The following OLFML2B variants were observed in gnomAD, a reference collection of about 807,000 sequenced individuals.
The protein encoded by OLFML2B is olfactomedin like 2B, also known as olfactomedin-like protein 2B.
In OLFML2B, 57 loss-of-function variants were observed where a neutral mutation model predicts 74.9. That is an observed-to-expected ratio of 0.76 (90% CI 0.61 to 0.95). The LOEUF (loss-of-function observed/expected upper bound fraction) is 0.95. OLFML2B is among the 40% of genes least tolerant of loss of function. OLFML2B has a pLI of 0.00. For synonymous variants in OLFML2B, 388 were observed against 405.8 expected, an observed-to-expected ratio of 0.96 and a Z score of 0.53; for missense variants, 986 against 970.6, an observed-to-expected ratio of 1.02 and a Z score of -0.21.
intron 3 of OLFML2B, among the ~76,000 whole-genome samples, chr1:162,007,851 T>C (rs997516306): frequency 6.6e-6 from 1 of 152,206 alleles, no homozygotes; most frequent in African/African-American, 2.4e-5. Context: ...GCCATTCTTA[T>C]GGCATTTCAT....
chr1:162,023,175 T>C (rs962372199), intron 1 of OLFML2B, 82 bp downstream of exon 1: 13 of 1,332,872 alleles, frequency 9.8e-6, no homozygotes, highest in Non-Finnish European at 9.9e-7. Flanking sequence ...ACAGCTGCCC[T>C]CAAACACTTC....
chr1:162,021,095 G>A (rs1380365956), intron 1 of OLFML2B, among the ~76,000 whole-genome samples: 1 of 152,344 alleles, frequency 6.6e-6, no homozygotes, highest in East Asian at 1.9e-4. Flanking sequence ...TGGGAGCTAA[G>A]AGCGGCTCCA....
Position 162,023,753 on chromosome 1 carries a change from G to T in OLFML2B, c.-323C>A, listed in dbSNP as rs958349264. 17 of 189,712 alleles carry T rather than the reference G, an allele frequency of 9.0e-5. No individual in the cohort carries two copies. The highest frequency in any genetic ancestry group is 1.8e-4 in the Non-Finnish European group (17 of 92,908). The allele number at this position is 189,712 out of a possible 1,614,324, so 11.8% of individuals were successfully genotyped here. A position where few individuals can be genotyped will look rare whatever the true frequency, so the allele number is the denominator to read the frequency against. On this transcript the variant is annotated 5_prime_UTR_variant, in exon 1 of 8. Coordinates refer to ENST00000294794, the MANE Select transcript of OLFML2B (RefSeq NM_015441.3). Reference sequence around the variant, plus strand: ...AGGAGGGCTCAGGTGGCTGGAAGGCGTTCGGACAGACGCCCGCGGTGCGCG... The same window carrying T: ...AGGAGGGCTCAGGTGGCTGGAAGGCTTTCGGACAGACGCCCGCGGTGCGCG...
chr1:161,997,875 G>A lies in OLFML2B; in HGVS notation c.1424C>T (p.Ala475Val). The change falls in exon 6 of 8, where the codon GCC (alanine) becomes GTC (valine). Residue 475 changes from alanine (A) to valine (V), a missense_variant. Coordinates refer to ENST00000294794, the MANE Select transcript of OLFML2B (RefSeq NM_015441.3). ...TTCTTCGGGGCTCAGCGTGGGGCTG[G>A]CAGGGGTTGTTCCCCACCCAGCAGG... The part of the protein sequence containing the change: ...DAPAGWGTTP[A>V]SPTLSPEEED... The A allele has an allele frequency of 6.2e-7, 1 of 1,614,164 alleles. No homozygotes were observed. The highest frequency in any genetic ancestry group is 8.5e-7 in the Non-Finnish European group (1 of 1,180,024).
intron 3 of OLFML2B, among the ~76,000 whole-genome samples, chr1:162,008,052 C>T (rs937682457): frequency 1.3e-5 from 2 of 152,106 alleles, no homozygotes; most frequent in Non-Finnish European, 2.9e-5. Context: ...TCTATCAGGC[C>T]GTCAAGTGTA....
chr1:161,985,417 C>G (rs1689565204), intron 6 of OLFML2B, among the ~76,000 whole-genome samples: 1 of 152,200 alleles, frequency 6.6e-6, no homozygotes, highest in Non-Finnish European at 1.5e-5. Flanking sequence ...TCCCTCCACG[C>G]CTGCCCCCAA....
Position 162,023,719 on chromosome 1 carries a change from G to T in OLFML2B, c.-289C>A, listed in dbSNP as rs762256237. ...AGGCGGGCACGGGCTAGCTGAGCGA[G>T]TCGCCCGCAGGAGGGCTCAGGTGGC... On this transcript the variant is annotated 5_prime_UTR_variant, in exon 1 of 8. Coordinates refer to ENST00000294794, the MANE Select transcript of OLFML2B (RefSeq NM_015441.3). 38 of 231,364 alleles carry T rather than the reference G, an allele frequency of 1.6e-4. No individual in the cohort carries two copies. Among genetic ancestry groups the T allele is most frequent in the Non-Finnish European group, 2.6e-4 (31 of 119,896 alleles). The allele number at this position is 231,364 out of a possible 1,614,324, so 14.3% of individuals were successfully genotyped here.
Position 162,017,420 on chromosome 1 carries a change from G to A in OLFML2B, c.526C>T (p.Arg176Ter), listed in dbSNP as rs892454580. The change falls in exon 3 of 8, where the codon CGA becomes TGA. Residue 176 changes from arginine (R) to a stop codon, truncating the protein, a stop_gained. Transcript: ENST00000294794. LOFTEE classifies it high-confidence loss of function. ...LHSVTTKLVG[R>*]VDKLEEEVSK... ...CTTACCTCCTCCAGTTTATCCACTC[G>A]CCCCACCAGTTTGGTGGTGACTGAA... 1.1e-5 allele frequency: 18 copies of A among 1,612,142 alleles called. No individual in the cohort carries two copies. The highest frequency in any genetic ancestry group is 4.0e-5 in the African/African-American group (3 of 74,790).
At position 162,023,500 on chromosome 1, in the gene OLFML2B, TCTG is replaced by T; in HGVS notation, c.-73_-71del. On this transcript the variant is annotated 5_prime_UTR_variant, in exon 1 of 8. Coordinates refer to ENST00000294794, the MANE Select transcript of OLFML2B (RefSeq NM_015441.3). ...GGGGCGGGGGGTCTCGGCAAGGACT[TCTG>T]CGAGAGGGTGTCCTCGCTAGAGCCC... 1 of 1,380,924 alleles carries T rather than the reference TCTG, an allele frequency of 7.2e-7. No individual in the cohort carries two copies. The highest frequency in any genetic ancestry group is 9.5e-7 in the Non-Finnish European group (1 of 1,051,122). 85.5% of individuals were successfully genotyped at this position (1,380,924 alleles called of 1,614,324 possible). A position where few individuals can be genotyped will look rare whatever the true frequency, so the allele number is the denominator to read the frequency against.
At chr1:161,998,799 A>C (rs1690002527) in intron 5 of OLFML2B, among the ~76,000 whole-genome samples, 1 of 152,238 alleles carries the variant, frequency 6.6e-6, no homozygotes, top group South Asian at 2.1e-4. Flanking sequence ...TATGGGGAAC[A>C]AAATGTAGGG....
chr1:162,000,183 G>A lies in OLFML2B; in HGVS notation c.879C>T (p.Pro293=). The change falls in exon 5 of 8, where the codon CCC becomes CCT. Residue 293 remains proline, a synonymous_variant. Transcript: ENST00000294794. Reference sequence around the variant, plus strand: ...AGTAGGTGATGCCCCGGATGACAGTGGGCTGGGAGGCCGGCCGGCCTCTCA... The same window carrying A: ...AGTAGGTGATGCCCCGGATGACAGTAGGCTGGGAGGCCGGCCGGCCTCTCA... The part of the protein sequence containing the change: ...VHLRGRPASQ[P]TVIRGITYYK... 11 of 1,613,796 alleles carry A rather than the reference G, an allele frequency of 6.8e-6. No individual in the cohort carries two copies. Among genetic ancestry groups the A allele is most frequent in the Non-Finnish European group, 9.3e-6 (11 of 1,179,832 alleles).
intron 5 of OLFML2B, among the ~76,000 whole-genome samples, chr1:161,999,101 A>G (rs1057248592): frequency 2.6e-5 from 4 of 152,196 alleles, no homozygotes; most frequent in South Asian, 4.1e-4. Context: ...GAGGCTGTGT[A>G]TGGAGTTCAG....
At chr1:161,985,473 T>C (rs953235566) in intron 6 of OLFML2B, among the ~76,000 whole-genome samples, 2 of 152,208 alleles carry the variant, frequency 1.3e-5, no homozygotes, top group African/African-American at 4.8e-5. Context: ...CTTTTCCTCA[T>C]TGCATTCTCA....
At position 162,013,891 on chromosome 1, in the gene OLFML2B, AACACACACACACACAC is replaced by A. The variant is rs59665350; in HGVS notation, c.546+3493_546+3508del. On this transcript the variant is annotated intron_variant, in intron 3 of 7. Coordinates refer to ENST00000294794, the MANE Select transcript of OLFML2B (RefSeq NM_015441.3). ...ATATAAAGTTGAGTGAAAAAAGCCC[AACACACACACACACAC>A]ACACACACACACACACACACACACA... Among the ~76,000 whole-genome samples the A allele has an allele frequency of 7.6e-3, 1,089 of 143,248 alleles. 23 individuals carry two copies. Among genetic ancestry groups the A allele is most frequent in the African/African-American group, 0.026 (990 of 38,684 alleles). The allele number at this position is 143,248 out of a possible 152,430, so 94.0% of individuals were successfully genotyped here.
In OLFML2B at chr1:162,023,415, G is replaced by T. The variant is rs1485883687; in HGVS notation, c.16C>A (p.Leu6Met). ...ATCAGAGCGAAGTAGAGAACTAGCA[G>T]CCGAGGCTTGGCCATGAGGGGCGCG... MAKPR[L>M]LVLYFALIVV... is the part of the protein sequence containing the mutation. Residue 6 changes from leucine (L) to methionine (M), a missense_variant, in exon 1 of 8, where the codon CTG becomes ATG. Leu to Met is a conservative substitution (Grantham distance 15). Transcript: ENST00000294794. The T allele has an allele frequency of 6.4e-7, 1 of 1,571,642 alleles. No homozygotes were observed. Among genetic ancestry groups the T allele is most frequent in the Non-Finnish European group, 8.7e-7 (1 of 1,155,356 alleles).
intron 6 of OLFML2B, among the ~76,000 whole-genome samples, chr1:161,985,987 AT>A (rs1445135896): frequency 1.3e-5 from 2 of 152,244 alleles, no homozygotes; most frequent in Admixed American, 6.5e-5. Context: ...ATTATTGAGC[AT>A]AGCCTTGAAT....
In OLFML2B at chr1:162,017,475, C is replaced by T. The variant is rs139471213; in HGVS notation, c.471G>A (p.Ala157=). Residue 157 remains alanine (A), a synonymous_variant, in exon 3 of 8, where the codon GCG becomes GCA. Transcript: ENST00000294794. ...GCTTCAGGAGATCCAGGCCATAGAA[C>T]GCTCCTTCCAACATGTCTATGATTG... ...LSTIIDMLEG[A]FYGLDLLKLH... The T allele has an allele frequency of 1.4e-5, 22 of 1,613,154 alleles. No homozygotes were observed. Among genetic ancestry groups the T allele is most frequent in the Middle Eastern group, 1.6e-4 (1 of 6,084 alleles).
intron 4 of OLFML2B, among the ~76,000 whole-genome samples, chr1:162,004,192 G>T (rs574892017): frequency 2.4e-4 from 36 of 152,284 alleles, no homozygotes; most frequent in African/African-American, 8.7e-4. Flanking sequence ...CCGATGCCAG[G>T]TGGGCTGAAA....
At chr1:162,007,064 C>T (rs746028806) in intron 3 of OLFML2B, among the ~76,000 whole-genome samples, 2 of 152,212 alleles carry the variant, frequency 1.3e-5, no homozygotes, top group Non-Finnish European at 2.9e-5. Context: ...CCCATAAAAA[C>T]AGTTTCACTA....
Sources: gnomAD v4.1 joint callset for allele counts (sites outside exome capture counted in the v4.1 genomes callset) on GRCh38, gnomAD v4.1.1 for gene constraint, MANE v1.5 for transcripts, NCBI Gene and HGNC (gene_info 2026-07-23, HGNC 2026-07-21) for gene names.